Variants in CCDC93 observed in about 807,000 individuals in gnomAD.
The protein encoded by CCDC93 is CCC complex scaffolding subunit CCDC93.
Under a neutral mutation model 108.2 loss-of-function variants are expected in CCDC93, and 61 were observed. The ratio of observed to expected loss-of-function variants is 0.56; its 90% CI spans 0.46 to 0.70. CCDC93 has a LOEUF of 0.70. CCDC93 is among the 30% of genes least tolerant of loss of function. CCDC93 has a pLI of 0.00. For synonymous variants in CCDC93, 276 were observed against 260.4 expected (o/e 1.06, Z -0.58); for missense variants, 685 against 764.2 (o/e 0.90, Z 1.22).
intron 6 of CCDC93, 118 bp downstream of exon 6, chr2:117,995,328 C>A: frequency 1.2e-6 from 1 of 812,238 alleles, no homozygotes; most frequent in Non-Finnish European, 2.1e-6. Context: ...CCATCTGAGT[C>A]TAGCTCCTAA....
intron 11 of CCDC93, 96 bp from the exon 12 acceptor site, chr2:117,958,577 GCAGCCAGTCACA>G: frequency 1.3e-6 from 1 of 770,940 alleles, no homozygotes; most frequent in Non-Finnish European, 2.3e-6. Context: ...GCAGTACTGG[GCAGCCAGTCACA>G]CCAAGCCAGG....
At chr2:118,009,387 G>A (rs1676963426) in intron 1 of CCDC93, among the ~76,000 whole-genome samples, 1 of 151,232 alleles carries the variant, frequency 6.6e-6, no homozygotes, top group Non-Finnish European at 1.5e-5. Flanking sequence ...TTTATACTTG[G>A]CCAGGCACAG....
chr2:117,958,501 C>A lies in CCDC93; in HGVS notation c.889-20G>T. ...AGACTGCTGTGGAAAAAAGGGATGGCAAATCCAAAGGATTTAGTTAGTTGA... is the reference window on the plus strand; with the variant it reads ...AGACTGCTGTGGAAAAAAGGGATGGAAAATCCAAAGGATTTAGTTAGTTGA... On this transcript the variant is annotated intron_variant, in intron 11 of 23. Coordinates refer to ENST00000376300, the MANE Select transcript of CCDC93 (RefSeq NM_019044.5). The A allele has an allele frequency of 1.4e-6, 2 of 1,385,612 alleles. No homozygotes were observed. Among genetic ancestry groups the A allele is most frequent in the Non-Finnish European group, 2.1e-6 (2 of 971,626 alleles). 85.8% of individuals were successfully genotyped at this position (1,385,612 alleles called of 1,614,324 possible). A position where few individuals can be genotyped will look rare whatever the true frequency, so the allele number is the denominator to read the frequency against.
intron 12 of CCDC93, among the ~76,000 whole-genome samples, chr2:117,958,113 T>C (rs761277673): frequency 3.3e-5 from 5 of 152,198 alleles, no homozygotes; most frequent in South Asian, 2.1e-4. Flanking sequence ...AAGGGCTGGA[T>C]AGTAAATATT....
At chr2:117,992,598 TA>T (rs1402080610) in intron 6 of CCDC93, among the ~76,000 whole-genome samples, 1 of 152,098 alleles carries the variant, frequency 6.6e-6, no homozygotes, top group Non-Finnish European at 1.5e-5. Context: ...CCATTTTATC[TA>T]GAGGCTCACA....
intron 6 of CCDC93, among the ~76,000 whole-genome samples, chr2:117,994,820 G>A (rs534145213): frequency 1.3e-5 from 2 of 152,324 alleles, no homozygotes; most frequent in South Asian, 4.1e-4. Flanking sequence ...TTTCAGGAGA[G>A]AGAGACTGTG....
intron 11 of CCDC93, among the ~76,000 whole-genome samples, chr2:117,969,493 G>C (rs899272976): frequency 6.6e-6 from 1 of 152,220 alleles, no homozygotes; most frequent in African/African-American, 2.4e-5. Context: ...GACTACATTT[G>C]TGGCAGTACT....
chr2:117,926,665 T>C (rs1429466786), intron 23 of CCDC93, among the ~76,000 whole-genome samples: 1 of 152,140 alleles, frequency 6.6e-6, no homozygotes, highest in African/African-American at 2.4e-5. Context: ...ACCAGATGGA[T>C]TCACAGCCAA....
chr2:117,948,268 A>G (rs1439238421), intron 14 of CCDC93, 82 bp from the exon 15 acceptor site: 1 of 911,634 alleles, frequency 1.1e-6, no homozygotes, highest in Non-Finnish European at 1.7e-6. Context: ...TCCGCAGCTA[A>G]AAAAGGACTC....
intron 13 of CCDC93, chr2:117,951,725 TA>T (rs1679062841): frequency 1.0e-6 from 1 of 992,850 alleles, no homozygotes; most frequent in African/African-American, 1.8e-5. Flanking sequence ...GGAACAGAAA[TA>T]TCTACACACT....
At chr2:118,013,393 G>C (rs1677072218) in intron 1 of CCDC93, among the ~76,000 whole-genome samples, 1 of 152,100 alleles carries the variant, frequency 6.6e-6, no homozygotes, top group African/African-American at 2.4e-5. Context: ...CCTGGTGCGC[G>C]CAAGTCTCCC....
At chr2:117,988,359 G>C (rs1680380819) in intron 6 of CCDC93, among the ~76,000 whole-genome samples, 1 of 152,140 alleles carries the variant, frequency 6.6e-6, no homozygotes, top group African/African-American at 2.4e-5. Flanking sequence ...TACCATGGCA[G>C]TGTCTGCAGC....
At chr2:117,949,957 C>T in intron 13 of CCDC93, 1 of 985,394 alleles carries the variant, frequency 1.0e-6, no homozygotes, top group Non-Finnish European at 1.2e-6. Context: ...TAGGAATAGC[C>T]ACATAGGCTA....
chr2:117,971,169 C>T (rs1259553005), intron 11 of CCDC93, among the ~76,000 whole-genome samples: 1 of 152,056 alleles, frequency 6.6e-6, no homozygotes, highest in Non-Finnish European at 1.5e-5. Flanking sequence ...TCAACACCAG[C>T]CTAGGCAACA....
chr2:117,958,054 T>C (rs1171726485), intron 12 of CCDC93, among the ~76,000 whole-genome samples: 1 of 152,190 alleles, frequency 6.6e-6, no homozygotes, highest in African/African-American at 2.4e-5. Context: ...CTATTTATTC[T>C]TGCCCTGTGA....
intron 1 of CCDC93, among the ~76,000 whole-genome samples, chr2:118,013,264 C>T (rs1437002770): frequency 6.6e-6 from 1 of 152,254 alleles, no homozygotes; most frequent in African/African-American, 2.4e-5. Flanking sequence ...GAAAAGAACC[C>T]CGCCCTCTTC....
intron 6 of CCDC93, among the ~76,000 whole-genome samples, chr2:117,994,726 A>T (rs1037275356): frequency 2.6e-5 from 4 of 152,334 alleles, no homozygotes; most frequent in East Asian, 1.9e-4. Flanking sequence ...TTAATACAAG[A>T]AACTATGCAA....
chr2:118,007,835 A>T (rs1316159109), intron 2 of CCDC93, among the ~76,000 whole-genome samples: 2 of 152,248 alleles, frequency 1.3e-5, no homozygotes, highest in African/African-American at 4.8e-5. Context: ...AATAACCCAG[A>T]GTGATTCTGT....
intron 18 of CCDC93, among the ~76,000 whole-genome samples, chr2:117,943,742 CA>C (rs879605099): frequency 6.6e-6 from 1 of 152,208 alleles, no homozygotes; most frequent in African/African-American, 2.4e-5. Flanking sequence ...ACAAACAAGC[CA>C]ATTTCTTCAT....
Sources: allele counts gnomAD v4.1 joint callset (sites outside exome capture counted in the v4.1 genomes callset), GRCh38; gene constraint gnomAD v4.1.1; transcripts MANE v1.5; gene names NCBI Gene and HGNC (gene_info 2026-07-23, HGNC 2026-07-21).